PALD1: variants seen among roughly 807,000 people sequenced by gnomAD.
PALD1 encodes paladin.
A neutral mutation model predicts 96.0 loss-of-function variants in PALD1; 57 were observed. The observed-to-expected ratio is 0.59, with a 90% CI of 0.48 to 0.74. The LOEUF is 0.74. Ranked by LOEUF, PALD1 falls within the 30% of genes least tolerant of loss-of-function variation. PALD1 has a pLI of 0.00. For missense variants in PALD1, 1,063 were observed against 1,143.7 expected, an observed-to-expected ratio of 0.93 and a Z score of 1.02; for synonymous variants, 464 against 473.6, an observed-to-expected ratio of 0.98 and a Z score of 0.26.
At chr10:70,515,974 G>A (rs1364567238) in intron 1 of PALD1, among the ~76,000 whole-genome samples, 3 of 152,134 alleles carry the variant, frequency 2.0e-5, no homozygotes, top group African/African-American at 7.2e-5. Flanking sequence ...GCTTTTGCAT[G>A]CCTCTAACAG....
chr10:70,464,012 C>T, the PALD1 span, among the ~76,000 whole-genome samples: 1 of 152,130 alleles, frequency 6.6e-6, no homozygotes, highest in African/African-American at 2.4e-5. Flanking sequence ...TGAGTTTTCA[C>T]GCATGCGTTT....
In PALD1 at chr10:70,533,954, C is replaced by G; in HGVS notation, c.903C>G (p.Ala301=). 1 of 1,611,134 alleles carries G rather than the reference C, an allele frequency of 6.2e-7. No individual in the cohort carries two copies. Among genetic ancestry groups the G allele is most frequent in the Non-Finnish European group, 8.5e-7 (1 of 1,178,410 alleles). ...ETPSLLQLRD[A]HGPPPALVFS... is the part of the protein sequence containing the mutation. Reference sequence around the variant, plus strand: ...CCAGCCTGCTGCAGCTCCGTGATGCCCACGGGCCTCCCCCAGCCCTCGTCT... The same window carrying G: ...CCAGCCTGCTGCAGCTCCGTGATGCGCACGGGCCTCCCCCAGCCCTCGTCT... The change falls in exon 8 of 20, where the codon GCC becomes GCG. Residue 301 remains alanine (A), a synonymous_variant. Coordinates refer to ENST00000263563, the MANE Select transcript of PALD1 (RefSeq NM_014431.3).
At chr10:70,553,857 T>C (rs753302924) in intron 18 of PALD1, among the ~76,000 whole-genome samples, 1 of 152,214 alleles carries the variant, frequency 6.6e-6, no homozygotes, top group Non-Finnish European at 1.5e-5. Flanking sequence ...AGTCGCAGAC[T>C]GACCAGGAGA....
intron 4 of PALD1, 136 bp from the exon 5 acceptor site, chr10:70,531,154 A>G (rs961093617): frequency 1.0e-5 from 7 of 689,380 alleles, no homozygotes; most frequent in Admixed American, 2.4e-5. Flanking sequence ...TTTCTTGGGT[A>G]GGATTCAGGT....
In PALD1 at chr10:70,525,945, G is replaced by A. The variant is rs766952730; in HGVS notation, c.-7G>A. 1.2e-6 allele frequency: 2 copies of A among 1,613,890 alleles called. No individual in the cohort carries two copies. The highest frequency in any genetic ancestry group is 2.2e-5 in the South Asian group (2 of 91,056). On this transcript the variant is annotated 5_prime_UTR_variant, in exon 2 of 20. Coordinates refer to ENST00000263563, the MANE Select transcript of PALD1 (RefSeq NM_014431.3). The stretch of plus-strand genomic sequence containing the variant: ...CAGGTCTGGGGTCCTGAGGCTGCTG[G>A]CAGACTATGGGTACAACGGCCAGCA...
intron 1 of PALD1, among the ~76,000 whole-genome samples, chr10:70,493,988 T>C (rs1449934099): frequency 6.6e-6 from 1 of 152,204 alleles, no homozygotes; most frequent in East Asian, 1.9e-4. Context: ...TAAAAGCCAG[T>C]GTCCTTACTG....
chr10:70,470,227 G>T, the PALD1 span, among the ~76,000 whole-genome samples: 389 of 152,336 alleles, frequency 2.6e-3, 2 homozygotes, highest in Non-Finnish European at 4.6e-3. Context: ...TGAAGCAAGT[G>T]TGGCAAAATC....
chr10:70,540,993 A>G lies in PALD1; in HGVS notation c.1909-109A>G, dbSNP rs541880757. ...TGTGTGCAAGCTTGGGAGCCTGACA[A>G]TTTCTGGCCCGAGGACAGTGGCTGG... On this transcript the variant is annotated intron_variant, in intron 15 of 19. Coordinates refer to ENST00000263563, the MANE Select transcript of PALD1 (RefSeq NM_014431.3). The surrounding 1 kb of genome is among the most constrained non-coding windows in gnomAD (Gnocchi z 4.2). 1.8e-4 allele frequency: 223 copies of G among 1,269,994 alleles called. No individual in the cohort carries two copies. The South Asian group carries it at 3.0e-3, about 17-fold the overall frequency. The allele number at this position is 1,269,994 out of a possible 1,614,324, so 78.7% of individuals were successfully genotyped here.
chr10:70,482,606 A>G (rs905924660), intron 1 of PALD1, among the ~76,000 whole-genome samples: 1 of 151,996 alleles, frequency 6.6e-6, no homozygotes, highest in African/African-American at 2.4e-5. Flanking sequence ...GCTTTTCCTG[A>G]CACATCTGCC....
chr10:70,521,627 G>C (rs971182708), intron 1 of PALD1, among the ~76,000 whole-genome samples: 1 of 151,756 alleles, frequency 6.6e-6, no homozygotes, highest in Admixed American at 6.6e-5. Context: ...CTGCCTCCTG[G>C]GTTCAAGGAT....
intron 18 of PALD1, among the ~76,000 whole-genome samples, chr10:70,557,305 A>T (rs1268979896): frequency 4.6e-5 from 7 of 152,262 alleles, no homozygotes; most frequent in Admixed American, 4.6e-4. Context: ...TGGGGTGTGC[A>T]GGGTGGCTGG....
At chr10:70,532,119 C>T (rs1479732425) in intron 5 of PALD1, among the ~76,000 whole-genome samples, 1 of 152,184 alleles carries the variant, frequency 6.6e-6, no homozygotes, top group Non-Finnish European at 1.5e-5. Flanking sequence ...GTCTGTGGGC[C>T]TGTTTCAGTA....
rs1406004914 is a variant in PALD1 at position 70,508,854 on chromosome 10, T to TGTGTGTGTGTGTGTGTGTGTGTGTGTGC, written c.-29-17066_-29-17065insTGTGTGTGTGTGTGTGTGTGTGTGCGTG. 8.6e-3 allele frequency among the ~76,000 whole-genome samples: 1,053 copies of TGTGTGTGTGTGTGTGTGTGTGTGTGTGC among 122,428 alleles called. 62 individuals carry two copies. Among genetic ancestry groups the TGTGTGTGTGTGTGTGTGTGTGTGTGTGC allele is most frequent in the Non-Finnish European group, 0.012 (660 of 54,384 alleles). 80.3% of individuals were successfully genotyped at this position (122,428 alleles called of 152,430 possible). ...GGGAGCTGCGGAACCTGTGTGTGTG[T>TGTGTGTGTGTGTGTGTGTGTGTGTGTGC]GTGCAGGCCTGTGGGAGTTGCGGGA... On this transcript the variant is annotated intron_variant, in intron 1 of 19. Transcript: ENST00000263563.
At chr10:70,458,598 C>T in the PALD1 span, among the ~76,000 whole-genome samples, 1 of 152,176 alleles carries the variant, frequency 6.6e-6, no homozygotes, top group African/African-American at 2.4e-5. Context: ...GTGGCGTTGT[C>T]GCCGCCAAGG....
In PALD1 at chr10:70,534,802, CAGA is replaced by C. The variant is rs773900757; in HGVS notation, c.1192_1194del (p.Lys398del). 2.1e-5 allele frequency: 34 copies of C among 1,612,704 alleles called. No homozygotes were observed. The East Asian group carries it at 6.9e-4, about 33-fold the overall frequency. ...CCTGAAAGAAGTGGTCTTGGAAAACCAGAAGAAGTTAGAAGGTATCCGACCGGA... is the reference window on the plus strand; with the variant it reads ...CCTGAAAGAAGTGGTCTTGGAAAACCAGAAGTTAGAAGGTATCCGACCGGA... On this transcript the variant is annotated inframe_deletion, in exon 10 of 20. Coordinates refer to ENST00000263563, the MANE Select transcript of PALD1 (RefSeq NM_014431.3).
chr10:70,503,704 C>G (rs1846337381), intron 1 of PALD1, among the ~76,000 whole-genome samples: 1 of 152,162 alleles, frequency 6.6e-6, no homozygotes, highest in Non-Finnish European at 1.5e-5. Context: ...TGTCATTTGC[C>G]TTGTAACTTC....
At position 70,526,001 on chromosome 10, in the gene PALD1, C is replaced by T. The variant is rs1019622683; in HGVS notation, c.50C>T (p.Pro17Leu). Reference protein sequence around the residue: ...TAQQTVSAGTPFEGLQGSGTM... With the variant: ...TAQQTVSAGTLFEGLQGSGTM... Reference sequence around the variant, plus strand: ...CAGCAGACGGTCTCGGCAGGCACCCCATTTGAGGGCCTACAGGGCAGTGGC... The same window carrying T: ...CAGCAGACGGTCTCGGCAGGCACCCTATTTGAGGGCCTACAGGGCAGTGGC... Residue 17 changes from proline to leucine, a missense_variant, in exon 2 of 20, where the codon CCA becomes CTA. By Grantham distance (98) the Pro-to-Leu change is moderately conservative (BLOSUM62 -3). Coordinates refer to ENST00000263563, the MANE Select transcript of PALD1 (RefSeq NM_014431.3). 1 of 1,614,096 alleles carries T rather than the reference C, an allele frequency of 6.2e-7. No individual in the cohort carries two copies. The highest frequency in any genetic ancestry group is 8.5e-7 in the Non-Finnish European group (1 of 1,180,048).
intron 17 of PALD1, among the ~76,000 whole-genome samples, chr10:70,544,435 A>G (rs1328292562): frequency 1.3e-5 from 2 of 152,046 alleles, no homozygotes; most frequent in Non-Finnish European, 1.5e-5. Flanking sequence ...GGTTGTGATC[A>G]GGCTCTCAGT....
Position 70,555,393 on chromosome 10 carries a change from T to C in PALD1, c.2262+7947T>C, listed in dbSNP as rs116020481. Among the ~76,000 whole-genome samples the C allele has an allele frequency of 8.4e-3, 1,282 of 152,248 alleles. 16 individuals carry two copies. Among genetic ancestry groups the C allele is most frequent in the African/African-American group, 0.029 (1,220 of 41,548 alleles). ...GAGAAGAAACTGAGGCCTAATGAAG[T>C]TTTGTGATTGGCTGGAGGCTGGACC... On this transcript the variant is annotated intron_variant, in intron 18 of 19. Transcript: ENST00000263563.
Sources: gnomAD v4.1 joint callset for allele counts (sites outside exome capture counted in the v4.1 genomes callset) on GRCh38, gnomAD v4.1.1 for gene constraint, Gnocchi (gnomAD v3.1) non-coding constraint, MANE v1.5 for transcripts, NCBI Gene and HGNC (gene_info 2026-07-23, HGNC 2026-07-21) for gene names.